Variants in ATRAID observed in about 807,000 individuals in gnomAD.
ATRAID encodes all-trans retinoic acid-induced differentiation factor.
ATRAID carries 26 observed loss-of-function variants against 28.8 expected under a neutral mutation model. That is an observed-to-expected ratio of 0.90 (90% CI 0.66 to 1.25). The LOEUF (loss-of-function observed/expected upper bound fraction) is 1.25. Ranked by LOEUF, ATRAID falls within the 50% of genes most tolerant of loss-of-function variation. The pLI is 0.00. For missense variants in ATRAID, 308 were observed against 285.9 expected (o/e 1.08, Z -0.56); for synonymous variants, 131 against 108.5 (o/e 1.21, Z -1.29).
Position 27,212,264 on chromosome 2 carries a change from G to A in ATRAID, c.-105G>A, listed in dbSNP as rs769367297. On this transcript the variant is annotated 5_prime_UTR_variant, in exon 1 of 7. Coordinates refer to ENST00000380171, the MANE Select transcript of ATRAID (RefSeq NM_001170795.4). ...GCCCCCAAGCAGCCCCAGGGCGACT[G>A]GACCGGGCCGCTTAGGCCACGCCCG... The A allele has an allele frequency of 1.3e-6, 2 of 1,557,328 alleles. No homozygotes were observed. The highest frequency in any genetic ancestry group is 1.4e-5 in the African/African-American group (1 of 73,784).
chr2:27,213,488 T>C, intron 2 of ATRAID, 190 bp downstream of exon 2: 1 of 562,626 alleles, frequency 1.8e-6, no homozygotes, highest in Non-Finnish European at 2.8e-6. Context: ...TACGGGTACC[T>C]CTAGCTTCCT....
At chr2:27,212,905 G>C (rs1023047574) in intron 1 of ATRAID, 1 of 484,792 alleles carries the variant, frequency 2.1e-6, no homozygotes, top group African/African-American at 2.0e-5. Flanking sequence ...TAATAAATAA[G>C]TTCGAATAGT....
Position 27,212,053 on chromosome 2 carries a change from A to C in ATRAID, c.-316A>C. 2 of 1,052,290 alleles carry C rather than the reference A, an allele frequency of 1.9e-6. No homozygotes were observed. Among genetic ancestry groups the C allele is most frequent in the Non-Finnish European group, 2.7e-6 (2 of 752,558 alleles). The allele number at this position is 1,052,290 out of a possible 1,614,324, so 65.2% of individuals were successfully genotyped here. A position where few individuals can be genotyped will look rare whatever the true frequency, so the allele number is the denominator to read the frequency against. On this transcript the variant is annotated 5_prime_UTR_variant, in exon 1 of 7. Coordinates refer to ENST00000380171, the MANE Select transcript of ATRAID (RefSeq NM_001170795.4). ...GATGGAGGGGCCCGAGTTTCTGCGAAGCCGCGACCTCGGCGTCCGGACGCG... is the reference window on the plus strand; with the variant it reads ...GATGGAGGGGCCCGAGTTTCTGCGACGCCGCGACCTCGGCGTCCGGACGCG...
At chr2:27,216,434 T>G in intron 5 of ATRAID, 89 bp from the exon 6 acceptor site, 2 of 1,046,526 alleles carry the variant, frequency 1.9e-6, no homozygotes, top group Non-Finnish European at 3.0e-6. Flanking sequence ...CTAGCAATGA[T>G]TGAGAGAATC....
downstream of ATRAID, chr2:27,217,180 G>A (rs1262153904): frequency 1.9e-6 from 1 of 527,872 alleles, no homozygotes; most frequent in African/African-American, 2.0e-5. Context: ...TCTTTTTAAG[G>A]AAAGGCGCCC....
intron 2 of ATRAID, 67 bp from the exon 3 acceptor site, chr2:27,215,251 AAAT>A: frequency 6.7e-7 from 1 of 1,497,038 alleles, no homozygotes; most frequent in Non-Finnish European, 9.3e-7. Context: ...TTGTGTAGTC[AAAT>A]ACAAACTGTG....
At chr2:27,214,636 G>A (rs968032506) in intron 2 of ATRAID, among the ~76,000 whole-genome samples, 2 of 152,084 alleles carry the variant, frequency 1.3e-5, no homozygotes, top group African/African-American at 2.4e-5. Flanking sequence ...GGCGGATCAC[G>A]AGGTCAGGAG....
In ATRAID at chr2:27,212,059, G is replaced by A. The variant is rs1674571039; in HGVS notation, c.-310G>A. On this transcript the variant is annotated 5_prime_UTR_variant, in exon 1 of 7. Coordinates refer to ENST00000380171, the MANE Select transcript of ATRAID (RefSeq NM_001170795.4). Reference sequence around the variant, plus strand: ...GGGGCCCGAGTTTCTGCGAAGCCGCGACCTCGGCGTCCGGACGCGGGGAAC... The same window carrying A: ...GGGGCCCGAGTTTCTGCGAAGCCGCAACCTCGGCGTCCGGACGCGGGGAAC... 2 of 1,115,828 alleles carry A rather than the reference G, an allele frequency of 1.8e-6. No individual in the cohort carries two copies. The highest frequency in any genetic ancestry group is 3.1e-5 in the East Asian group (1 of 31,968). 69.1% of individuals were successfully genotyped at this position (1,115,828 alleles called of 1,614,324 possible).
Position 27,216,898 on chromosome 2 carries a change from G to A in ATRAID, c.640G>A (p.Val214Ile), listed in dbSNP as rs1352822790. Reference protein sequence around the residue: ...FGILGATTLSVSILLWATQRR... With the variant: ...FGILGATTLSISILLWATQRR... The stretch of plus-strand genomic sequence containing the variant: ...GATTCTGGGAGCCACCACTCTATCC[G>A]TCTCCATTCTGCTTTGGGCGACCCA... The change falls in exon 7 of 7, where the codon GTC becomes ATC. Residue 214 changes from valine (V) to isoleucine (I), a missense_variant. Transcript: ENST00000380171. 3 of 1,614,142 alleles carry A rather than the reference G, an allele frequency of 1.9e-6. No homozygotes were observed. Among genetic ancestry groups the A allele is most frequent in the Middle Eastern group, 1.7e-4 (1 of 6,060 alleles).
intron 1 of ATRAID, 54 bp from the exon 2 acceptor site, chr2:27,213,120 TTTG>T: frequency 6.3e-7 from 1 of 1,583,998 alleles, no homozygotes; most frequent in Non-Finnish European, 8.6e-7. Context: ...TTGATCGCCG[TTTG>T]TTCTTTTCTT....
In ATRAID at chr2:27,212,346, G is replaced by A; in HGVS notation, c.-23G>A. 6.5e-7 allele frequency: 1 copy of A among 1,550,022 alleles called. No homozygotes were observed. Among genetic ancestry groups the A allele is most frequent in the Non-Finnish European group, 8.7e-7 (1 of 1,146,616 alleles). On this transcript the variant is annotated 5_prime_UTR_variant, in exon 1 of 7. Coordinates refer to ENST00000380171, the MANE Select transcript of ATRAID (RefSeq NM_001170795.4). The stretch of plus-strand genomic sequence containing the variant: ...GCCGCGGGGCCGGGTCGCGCGAGCA[G>A]CGGAGCACCAAGGGAACGGAAAATG...
At chr2:27,216,361 G>A in intron 5 of ATRAID, 162 bp from the exon 6 acceptor site, 1 of 642,162 alleles carries the variant, frequency 1.6e-6, no homozygotes, top group Non-Finnish European at 2.8e-6. Flanking sequence ...CTTAGCTTGG[G>A]CTCAGAGGCC....
rs1558522561 is a variant in ATRAID at position 27,216,549 on chromosome 2, G to C, written c.514G>C (p.Val172Leu). The C allele has an allele frequency of 6.8e-6, 11 of 1,614,062 alleles. No individual in the cohort carries two copies. The highest frequency in any genetic ancestry group is 8.5e-6 in the Non-Finnish European group (10 of 1,179,920). Residue 172 changes from valine to leucine, a missense_variant, in exon 6 of 7, where the codon GTA (valine) becomes CTA (leucine). Coordinates refer to ENST00000380171, the MANE Select transcript of ATRAID (RefSeq NM_001170795.4). ...AATGTGTCCTGAGAATGGATCTTGT[G>C]TACCTGATGGTCCAGGTCTTTTGCA... is the stretch of plus-strand genomic sequence containing the variant. ...PEMCPENGSC[V>L]PDGPGLLQCV...
chr2:27,215,109 T>G (rs991712124), intron 2 of ATRAID, among the ~76,000 whole-genome samples: 11 of 152,090 alleles, frequency 7.2e-5, no homozygotes, highest in African/African-American at 2.7e-4. Flanking sequence ...CTAAGGTACA[T>G]TAATTTAAAT....
chr2:27,212,285 G>T lies in ATRAID; in HGVS notation c.-84G>T. 1 of 1,553,374 alleles carries T rather than the reference G, an allele frequency of 6.4e-7. No homozygotes were observed. The highest frequency in any genetic ancestry group is 1.7e-4 in the Middle Eastern group (1 of 5,764). ...GACTGGACCGGGCCGCTTAGGCCAC[G>T]CCCGGGGAAGAGGGCCTGACGCGCT... is the stretch of plus-strand genomic sequence containing the variant. On this transcript the variant is annotated 5_prime_UTR_variant, in exon 1 of 7. Coordinates refer to ENST00000380171, the MANE Select transcript of ATRAID (RefSeq NM_001170795.4).
rs1256394247 is a variant in ATRAID at position 27,215,639 on chromosome 2, C to T, written c.373C>T (p.Pro125Ser). Residue 125 changes from proline to serine, a missense_variant, in exon 5 of 7, where the codon CCA becomes TCA. Physicochemically the swap from Pro to Ser is moderately conservative, Grantham distance 74. Transcript: ENST00000380171. Reference protein sequence around the residue: ...GFTQLQTLILPQHVNCPGGIN... With the variant: ...GFTQLQTLILSQHVNCPGGIN... ...GACCACATTTCTCTATAGGATACTGCCACAACATGTCAACTGTCCTGGAGG... is the reference window on the plus strand; with the variant it reads ...GACCACATTTCTCTATAGGATACTGTCACAACATGTCAACTGTCCTGGAGG... 1.9e-6 allele frequency: 3 copies of T among 1,614,076 alleles called. No individual in the cohort carries two copies. The highest frequency in any genetic ancestry group is 3.3e-5 in the Admixed American group (2 of 60,002).
intron 5 of ATRAID, among the ~76,000 whole-genome samples, 174 bp downstream of exon 5, chr2:27,215,927 G>A (rs751629589): frequency 1.3e-5 from 2 of 152,202 alleles, no homozygotes; most frequent in East Asian, 1.9e-4. Context: ...ACGTGTGTCC[G>A]TGTAAAGAGA....
chr2:27,216,777 C>A, intron 6 of ATRAID, 67 bp from the exon 7 acceptor site: 1 of 1,478,444 alleles, frequency 6.8e-7, no homozygotes, highest in Non-Finnish European at 9.4e-7. Flanking sequence ...TAGGAAAGAA[C>A]TAGGTGTTAG....
At chr2:27,213,986 C>T (rs1464472141) in intron 2 of ATRAID, among the ~76,000 whole-genome samples, 1 of 152,136 alleles carries the variant, frequency 6.6e-6, no homozygotes, top group East Asian at 1.9e-4. Flanking sequence ...ACTCTTGTTG[C>T]CCAGGCTGGA....
Sources: allele counts gnomAD v4.1 joint callset (sites outside exome capture counted in the v4.1 genomes callset), GRCh38; gene constraint gnomAD v4.1.1; transcripts MANE v1.5; gene names NCBI Gene and HGNC (gene_info 2026-07-23, HGNC 2026-07-21).